The following MPP7 variants were observed in gnomAD, a reference collection of about 807,000 sequenced individuals.
The protein encoded by MPP7 is MAGUK p55 subfamily member 7.
In MPP7, 60 loss-of-function variants were observed where a neutral mutation model predicts 76.5. The ratio of observed to expected loss-of-function variants is 0.78; its 90% confidence interval spans 0.64 to 0.97. MPP7 has a LOEUF of 0.97. Ranked by LOEUF, MPP7 falls within the 50% of genes least tolerant of loss-of-function variation. The pLI is 0.00. For synonymous variants in MPP7, 237 were observed against 244.5 expected (o/e 0.97, Z 0.29); for missense variants, 641 against 694.0 (o/e 0.92, Z 0.86).
At position 28,238,561 on chromosome 10, in the gene MPP7, C is replaced by G; in HGVS notation, c.37+7G>C. ...GAATGAGAACTGCCCCTCTTGGGGT[C>G]ACATACCAGTGTCACTCCCAGATCC... On this transcript the variant is annotated splice_region_variant and intron_variant, in intron 2 of 16. Coordinates refer to ENST00000683449, the MANE Select transcript of MPP7 (RefSeq NM_001318170.2). 2 of 1,613,972 alleles carry G rather than the reference C, an allele frequency of 1.2e-6. No homozygotes were observed. The highest frequency in any genetic ancestry group is 1.7e-6 in the Non-Finnish European group (2 of 1,179,882).
At chr10:28,077,251 C>G (rs1034571818) in intron 12 of MPP7, among the ~76,000 whole-genome samples, 1 of 152,122 alleles carries the variant, frequency 6.6e-6, no homozygotes, top group African/African-American at 2.4e-5. Context: ...AGCAAGCTCA[C>G]GACACCCATG....
At chr10:28,267,814 T>C (rs1229345002) in intron 1 of MPP7, among the ~76,000 whole-genome samples, 1 of 152,026 alleles carries the variant, frequency 6.6e-6, no homozygotes, top group African/African-American at 2.4e-5. Context: ...GGCAGGTAGA[T>C]CACTTGAGGT....
intron 1 of MPP7, among the ~76,000 whole-genome samples, chr10:28,243,157 G>A (rs1839325051): frequency 6.6e-6 from 1 of 151,926 alleles, no homozygotes. Flanking sequence ...ACATTTTCTT[G>A]AAGATAAATA....
chr10:28,296,223 C>T (rs962585431), intron 1 of MPP7, among the ~76,000 whole-genome samples: 2 of 152,134 alleles, frequency 1.3e-5, no homozygotes, highest in Non-Finnish European at 2.9e-5. Context: ...CCCACCTTTT[C>T]CATGCCCACG....
chr10:28,313,495 G>T (rs534953459), intron 2 of MPP7, among the ~76,000 whole-genome samples: 280 of 148,344 alleles, frequency 1.9e-3, no homozygotes, highest in Non-Finnish European at 3.1e-3. Context: ...GACAGAGCAA[G>T]ACTCTGTCTC....
At chr10:28,283,644 A>T (rs2133106159) in intron 1 of MPP7, among the ~76,000 whole-genome samples, 1 of 152,018 alleles carries the variant, frequency 6.6e-6, no homozygotes, top group South Asian at 2.1e-4. Context: ...CCTCCCAAGT[A>T]GCTGGGATTA....
chr10:28,087,286 T>G (rs370526445), intron 12 of MPP7, among the ~76,000 whole-genome samples: 132 of 152,332 alleles, frequency 8.7e-4, no homozygotes, highest in African/African-American at 2.9e-3. Context: ...ATGCCCAAAC[T>G]TCCAGCTATT....
intron 11 of MPP7, chr10:28,118,620 G>T (rs774572057): frequency 4.1e-6 from 4 of 985,402 alleles, no homozygotes; most frequent in Non-Finnish European, 4.8e-6. Flanking sequence ...TAAGTTTTCT[G>T]ATGTCAGAAG....
chr10:28,067,586 C>A (rs949044139), intron 13 of MPP7, among the ~76,000 whole-genome samples: 3 of 152,164 alleles, frequency 2.0e-5, no homozygotes, highest in African/African-American at 7.2e-5. Flanking sequence ...TGGAGAGTCC[C>A]AGTCCCACAA....
At chr10:28,240,595 GCTGA>G (rs1300909344) in intron 1 of MPP7, among the ~76,000 whole-genome samples, 1 of 152,032 alleles carries the variant, frequency 6.6e-6, no homozygotes, top group African/African-American at 2.4e-5. Context: ...TGAAAATATA[GCTGA>G]CTAAGCTAAA....
intron 11 of MPP7, among the ~76,000 whole-genome samples, chr10:28,102,371 TTAA>T (rs1041305860): frequency 6.6e-6 from 1 of 152,162 alleles, no homozygotes; most frequent in African/African-American, 2.4e-5. Context: ...TTCCTTTCTT[TTAA>T]TAATAACAGC....
At chr10:28,179,429 A>C (rs954184935) in intron 3 of MPP7, among the ~76,000 whole-genome samples, 1 of 152,154 alleles carries the variant, frequency 6.6e-6, no homozygotes, top group Non-Finnish European at 1.5e-5. Flanking sequence ...CATCCCCATC[A>C]TCTAACACAA....
intron 12 of MPP7, among the ~76,000 whole-genome samples, chr10:28,088,170 C>T (rs1416966934): frequency 6.6e-6 from 1 of 152,138 alleles, no homozygotes; most frequent in African/African-American, 2.4e-5. Context: ...TTTCAAAGGA[C>T]TCCATCTTAC....
chr10:28,156,595 G>A (rs1224364690), intron 3 of MPP7, among the ~76,000 whole-genome samples: 1 of 152,154 alleles, frequency 6.6e-6, no homozygotes, highest in East Asian at 1.9e-4. Flanking sequence ...ATGGACACAG[G>A]AAAGGCAGAC....
intron 5 of MPP7, among the ~76,000 whole-genome samples, chr10:28,138,830 G>T (rs540151721): frequency 6.6e-6 from 1 of 152,350 alleles, no homozygotes; most frequent in East Asian, 1.9e-4. Context: ...TAGAGACAAA[G>T]AAGGCTATAA....
At chr10:28,267,219 A>T (rs1467210740) in intron 1 of MPP7, among the ~76,000 whole-genome samples, 1 of 152,226 alleles carries the variant, frequency 6.6e-6, no homozygotes, top group Non-Finnish European at 1.5e-5. Flanking sequence ...GGACCTGCAA[A>T]GCTTAGTACA....
intron 1 of MPP7, among the ~76,000 whole-genome samples, chr10:28,287,708 T>C (rs560035108): frequency 6.6e-6 from 1 of 152,330 alleles, no homozygotes; most frequent in Admixed American, 6.5e-5. Flanking sequence ...AAGAAGACTT[T>C]TCAAGAGATG....
At chr10:28,095,828 C>T (rs528450037) in intron 11 of MPP7, among the ~76,000 whole-genome samples, 91 of 152,282 alleles carry the variant, frequency 6.0e-4, no homozygotes, top group African/African-American at 2.1e-3. Context: ...TTTTTCCTTA[C>T]ATTTCATGTT....
intron 3 of MPP7, among the ~76,000 whole-genome samples, chr10:28,157,285 C>A (rs1836098596): frequency 6.7e-6 from 1 of 149,374 alleles, no homozygotes; most frequent in Non-Finnish European, 1.5e-5. Context: ...CGATACAGGG[C>A]TAGCTATCAC....
Sources: allele counts gnomAD v4.1 joint callset (sites outside exome capture counted in the v4.1 genomes callset), GRCh38; gene constraint gnomAD v4.1.1; transcripts MANE v1.5; gene names NCBI Gene and HGNC (gene_info 2026-07-23, HGNC 2026-07-21).